EYA1: variants seen among roughly 807,000 people sequenced by gnomAD.
EYA1 encodes the protein EYA transcriptional coactivator and phosphatase 1, also known as protein phosphatase EYA1.
In EYA1, 16 loss-of-function variants were observed where a neutral mutation model predicts 82.0. That is an observed-to-expected ratio of 0.20 (90% confidence interval 0.13 to 0.30). The LOEUF is 0.30. Ranked by LOEUF, EYA1 falls within the 10% of genes least tolerant of loss-of-function variation. The pLI, the probability that EYA1 is intolerant of heterozygous loss-of-function variation, is 1.00. For missense variants in EYA1, 633 were observed against 730.7 expected (o/e 0.87, Z 1.54); for synonymous variants, 261 against 264.4 (o/e 0.99, Z 0.12).
intron 2 of EYA1, among the ~76,000 whole-genome samples, chr8:71,417,591 T>TA (rs1386040516): frequency 6.6e-6 from 1 of 152,196 alleles, no homozygotes; most frequent in South Asian, 2.1e-4. Context: ...ATTTACATTA[T>TA]AAAAAACACA....
intron 2 of EYA1, among the ~76,000 whole-genome samples, chr8:71,409,993 G>A (rs1302185135): frequency 4.0e-5 from 6 of 151,020 alleles, no homozygotes; most frequent in Admixed American, 2.6e-4. Context: ...CTGGCAAACC[G>A]AATCCAGCAG....
At chr8:71,538,915 G>A (rs1814926146) in intron 1 of EYA1, among the ~76,000 whole-genome samples, 1 of 152,114 alleles carries the variant, frequency 6.6e-6, no homozygotes, top group African/African-American at 2.4e-5. Context: ...CCTTGTAAAA[G>A]CAGGGAACTG....
chr8:71,513,058 AG>A (rs1414398874), intron 2 of EYA1, among the ~76,000 whole-genome samples: 3 of 152,150 alleles, frequency 2.0e-5, no homozygotes, highest in Admixed American at 6.6e-5. Context: ...AGGGTAAAAA[AG>A]TGAGACTCAA....
intron 2 of EYA1, among the ~76,000 whole-genome samples, chr8:71,439,303 G>A (rs1806236409): frequency 1.3e-5 from 2 of 152,142 alleles, no homozygotes; most frequent in African/African-American, 4.8e-5. Flanking sequence ...GACTCATTGA[G>A]TTTGTTTGGT....
At chr8:71,444,385 G>A (rs568078585) in intron 2 of EYA1, among the ~76,000 whole-genome samples, 9 of 152,266 alleles carry the variant, frequency 5.9e-5, no homozygotes, top group East Asian at 1.9e-4. Flanking sequence ...TTCAGAAAGC[G>A]GAACCACAAA....
chr8:71,236,319 G>A (rs2128890563), intron 12 of EYA1, among the ~76,000 whole-genome samples: 1 of 152,286 alleles, frequency 6.6e-6, no homozygotes, highest in African/African-American at 2.4e-5. Context: ...TAAGGCATGA[G>A]CCACAGCACC....
chr8:71,397,505 A>ACTTATTTGTCTGTAAAAGATTTTATTTCT (rs1829698658), intron 2 of EYA1, among the ~76,000 whole-genome samples: 2 of 152,320 alleles, frequency 1.3e-5, no homozygotes, highest in South Asian at 4.1e-4. Flanking sequence ...ATCTCTCAGC[A>ACTTATTTGTCTGTAAAAGATTTTATTTCT]CTTATTTGTC....
At chr8:71,416,326 C>G (rs1830851933) in intron 2 of EYA1, among the ~76,000 whole-genome samples, 1 of 152,180 alleles carries the variant, frequency 6.6e-6, no homozygotes, top group Admixed American at 6.5e-5. Context: ...CTATTCCTTA[C>G]TGGTTTCTTA....
chr8:71,211,807 A>G (rs546645964), intron 16 of EYA1, among the ~76,000 whole-genome samples: 151 of 152,358 alleles, frequency 9.9e-4, no homozygotes, highest in Admixed American at 1.0e-3. Context: ...GTTGAATTAA[A>G]GACCCTGAAA....
intron 12 of EYA1, among the ~76,000 whole-genome samples, chr8:71,227,567 T>A (rs868070269): frequency 2.3e-4 from 35 of 152,208 alleles, no homozygotes; most frequent in South Asian, 8.3e-4. Flanking sequence ...CGCATACCAA[T>A]TTATTCACAA....
chr8:71,485,238 G>A (rs1236469887), intron 2 of EYA1, among the ~76,000 whole-genome samples: 1 of 152,070 alleles, frequency 6.6e-6, no homozygotes, highest in Non-Finnish European at 1.5e-5. Flanking sequence ...AAAGATTCAT[G>A]TATTTTTTTA....
intron 3 of EYA1, among the ~76,000 whole-genome samples, chr8:71,347,241 A>T (rs1380684458): frequency 6.6e-6 from 1 of 152,224 alleles, no homozygotes; most frequent in East Asian, 1.9e-4. Flanking sequence ...CAACACAGTA[A>T]CACATTGTAT....
intron 3 of EYA1, among the ~76,000 whole-genome samples, chr8:71,344,606 G>T (rs1164638033): frequency 6.6e-6 from 1 of 152,086 alleles, no homozygotes; most frequent in Non-Finnish European, 1.5e-5. Context: ...TTGTAAATCA[G>T]CCAAAAAGCC....
chr8:71,415,965 A>G (rs1231293654), intron 2 of EYA1, among the ~76,000 whole-genome samples: 2 of 152,124 alleles, frequency 1.3e-5, no homozygotes, highest in African/African-American at 4.8e-5. Context: ...TCCATTTTAC[A>G]CCTGTTTGGA....
intron 2 of EYA1, among the ~76,000 whole-genome samples, chr8:71,478,808 C>T (rs1809874382): frequency 6.6e-6 from 1 of 152,106 alleles, no homozygotes; most frequent in African/African-American, 2.4e-5. Context: ...ACACGAGAGT[C>T]CCACAATAAA....
chr8:71,317,584 G>C lies in EYA1; in HGVS notation c.524C>G (p.Pro175Arg), dbSNP rs201908026. ...CTGGTAGCTGTATGGTGCCTGTCCA[G>C]GTTGAGGGGTACTGAAGCTTGTGCC... ...SYGTSFSTPQ[P>R]GQAPYSYQMQ... Residue 175 changes from proline to arginine, a missense_variant, in exon 7 of 18, where the codon CCT (proline) becomes CGT (arginine). Transcript: ENST00000340726. The C allele has an allele frequency of 3.7e-6, 6 of 1,614,140 alleles. No individual in the cohort carries two copies. In the Admixed American group the frequency reaches 1.0e-4, roughly 27 times the overall value.
intron 1 of EYA1, among the ~76,000 whole-genome samples, chr8:71,536,230 G>A (rs1231558987): frequency 2.6e-5 from 4 of 151,712 alleles, no homozygotes. Context: ...ATCTATCAAC[G>A]TCAGCTGCAC....
chr8:71,324,305 T>C (rs960813671), intron 4 of EYA1, among the ~76,000 whole-genome samples: 1 of 152,236 alleles, frequency 6.6e-6, no homozygotes, highest in African/African-American at 2.4e-5. Flanking sequence ...ATACATATGA[T>C]GAAAGACTTA....
intron 4 of EYA1, among the ~76,000 whole-genome samples, chr8:71,331,386 G>T (rs1823844515): frequency 6.6e-6 from 1 of 151,034 alleles, no homozygotes; most frequent in African/African-American, 2.4e-5. Flanking sequence ...TGATAGTGAT[G>T]CAATACTATT....
Sources: allele counts gnomAD v4.1 joint callset (sites outside exome capture counted in the v4.1 genomes callset), GRCh38; gene constraint gnomAD v4.1.1; transcripts MANE v1.5; gene names NCBI Gene and HGNC (gene_info 2026-07-23, HGNC 2026-07-21).